DAB1: variants seen among roughly 807,000 people sequenced by gnomAD.
DAB1 encodes disabled homolog 1.
Under a neutral mutation model 64.6 loss-of-function variants are expected in DAB1, and 15 were observed. The ratio of observed to expected loss-of-function variants is 0.23; its 90% CI spans 0.16 to 0.36. The LOEUF is 0.36. DAB1 is among the 10% of genes least tolerant of loss of function. The pLI is 1.00. For missense variants in DAB1, 596 were observed against 706.7 expected (o/e 0.84, Z 1.78); for synonymous variants, 235 against 251.9 (o/e 0.93, Z 0.64).
chr1:57,363,631 C>G (rs1679734893), intron 1 of DAB1, among the ~76,000 whole-genome samples: 1 of 152,106 alleles, frequency 6.6e-6, no homozygotes, highest in Non-Finnish European at 1.5e-5. Context: ...ATTAGGGACT[C>G]CTCTCATTGT....
At chr1:57,826,946 A>G (rs769235293) in intron 1 of DAB1, among the ~76,000 whole-genome samples, 3 of 152,244 alleles carry the variant, frequency 2.0e-5, no homozygotes, top group Non-Finnish European at 1.5e-5. Flanking sequence ...ATCATTCTAC[A>G]AAAGAAAAAG....
intron 6 of DAB1, among the ~76,000 whole-genome samples, chr1:57,799,594 C>G (rs1054733845): frequency 2.1e-5 from 3 of 142,866 alleles, no homozygotes; most frequent in Non-Finnish European, 4.6e-5. Flanking sequence ...CTGGGGGGGG[C>G]TTTCAGGAAG....
intron 6 of DAB1, among the ~76,000 whole-genome samples, chr1:57,818,755 A>ATT (rs1294684277): frequency 2.7e-5 from 4 of 148,946 alleles, no homozygotes; most frequent in South Asian, 2.1e-4. Flanking sequence ...TAATAACTAC[A>ATT]TTATATATAT....
intron 7 of DAB1, among the ~76,000 whole-genome samples, chr1:57,606,564 T>TAATATAATATATTA (rs1558535385): frequency 1.2e-4 from 8 of 65,828 alleles, no homozygotes; most frequent in African/African-American, 3.4e-4. Flanking sequence ...ATATTATATA[T>TAATATAATATATTA]TATATATGAA....
At chr1:57,959,276 C>G (rs1178733969) in intron 5 of DAB1, among the ~76,000 whole-genome samples, 1 of 152,146 alleles carries the variant, frequency 6.6e-6, no homozygotes, top group Non-Finnish European at 1.5e-5. Flanking sequence ...TCAAATATAG[C>G]AAAATATGGA....
chr1:57,022,230 A>G (rs1311997728), intron 11 of DAB1, among the ~76,000 whole-genome samples: 1 of 152,168 alleles, frequency 6.6e-6, no homozygotes, highest in Non-Finnish European at 1.5e-5. Flanking sequence ...CAGATAAAAC[A>G]ATGAGGACAA....
intron 1 of DAB1, among the ~76,000 whole-genome samples, chr1:57,292,940 A>G (rs1462260610): frequency 6.6e-6 from 1 of 152,172 alleles, no homozygotes; most frequent in Non-Finnish European, 1.5e-5. Flanking sequence ...AAAGAGGATA[A>G]GCCCTACTCT....
intron 5 of DAB1, among the ~76,000 whole-genome samples, chr1:58,029,666 A>G (rs1210912720): frequency 6.6e-6 from 1 of 152,218 alleles, no homozygotes. Flanking sequence ...GACTAATGAC[A>G]CTTCAAGAAT....
chr1:57,297,968 C>G (rs902495412), intron 1 of DAB1, among the ~76,000 whole-genome samples: 1 of 152,164 alleles, frequency 6.6e-6, no homozygotes, highest in Non-Finnish European at 1.5e-5. Flanking sequence ...CTCTAAGCTT[C>G]CTCTCTAGAC....
intron 5 of DAB1, among the ~76,000 whole-genome samples, chr1:57,924,083 C>T (rs531820780): frequency 6.6e-6 from 1 of 152,106 alleles, no homozygotes; most frequent in Non-Finnish European, 1.5e-5. Flanking sequence ...AAGTAAATAA[C>T]CTTTGTATAG....
intron 5 of DAB1, among the ~76,000 whole-genome samples, chr1:58,004,065 T>C (rs1646545071): frequency 6.6e-6 from 1 of 152,122 alleles, no homozygotes; most frequent in Admixed American, 6.5e-5. Flanking sequence ...AGGCACAGGA[T>C]CTACAATACA....
intron 6 of DAB1, among the ~76,000 whole-genome samples, chr1:57,676,095 AT>A (rs1372788880): frequency 6.6e-6 from 1 of 152,182 alleles, no homozygotes; most frequent in Non-Finnish European, 1.5e-5. Context: ...AGTGGAGCTC[AT>A]TATATGGGGA....
chr1:58,234,197 C>T (rs756734712), intron 4 of DAB1, among the ~76,000 whole-genome samples: 1 of 152,208 alleles, frequency 6.6e-6, no homozygotes, highest in African/African-American at 2.4e-5. Flanking sequence ...TGTCTGCTTC[C>T]GTGACACTGA....
At chr1:57,861,243 C>G (rs1331436069) in intron 1 of DAB1, among the ~76,000 whole-genome samples, 1 of 152,194 alleles carries the variant, frequency 6.6e-6, no homozygotes, top group African/African-American at 2.4e-5. Context: ...ATGGTACTTT[C>G]TTGCTTGCTA....
chr1:58,407,185 A>G (rs1398482305), intron 3 of DAB1, among the ~76,000 whole-genome samples: 1 of 151,808 alleles, frequency 6.6e-6, no homozygotes, highest in East Asian at 1.9e-4. Flanking sequence ...CCCTAGCCCC[A>G]CCCTTCAGGA....
At chr1:57,831,039 G>A (rs1002005977) in intron 1 of DAB1, among the ~76,000 whole-genome samples, 10 of 151,984 alleles carry the variant, frequency 6.6e-5, no homozygotes, top group African/African-American at 1.2e-4. Flanking sequence ...TTAGCCTCCC[G>A]AGCAGCTGAG....
chr1:58,464,901 A>T (rs1184837938), intron 3 of DAB1, among the ~76,000 whole-genome samples: 1 of 152,106 alleles, frequency 6.6e-6, no homozygotes, highest in Non-Finnish European at 1.5e-5. Context: ...TCCTCTAATC[A>T]CTGAATATCG....
intron 5 of DAB1, among the ~76,000 whole-genome samples, chr1:57,982,989 C>G (rs1481589352): frequency 1.3e-5 from 2 of 152,168 alleles, no homozygotes; most frequent in Admixed American, 6.5e-5. Flanking sequence ...GACCTGAGGT[C>G]ATAGAGCTGT....
chr1:57,323,580 C>T (rs373951549), intron 1 of DAB1, among the ~76,000 whole-genome samples: 5 of 152,162 alleles, frequency 3.3e-5, no homozygotes, highest in African/African-American at 9.6e-5. Flanking sequence ...ATATTTAAAC[C>T]GTATCACCAG....
Sources: allele counts gnomAD v4.1 joint callset (sites outside exome capture counted in the v4.1 genomes callset), GRCh38; gene constraint gnomAD v4.1.1; transcripts MANE v1.5; gene names NCBI Gene and HGNC (gene_info 2026-07-23, HGNC 2026-07-21).